The following PTPRK variants were observed in gnomAD, a reference collection of about 807,000 sequenced individuals.
PTPRK encodes the protein protein tyrosine phosphatase receptor type K, also known as receptor-type tyrosine-protein phosphatase kappa.
PTPRK carries 75 observed loss-of-function variants against 178.0 expected under a neutral mutation model. The observed-to-expected ratio is 0.42, with a 90% confidence interval of 0.35 to 0.51. The LOEUF (loss-of-function observed/expected upper bound fraction) is 0.51, where lower values mean the gene tolerates loss of function less well. Among genes scored for constraint, PTPRK ranks in the 20% least tolerant of loss-of-function variants. The probability of loss-of-function intolerance (pLI) is 0.02; values close to 1 mark genes in which losing one functional copy is unlikely to be tolerated. For synonymous variants in PTPRK, 637 were observed against 620.6 expected, an observed-to-expected ratio of 1.03 and a Z score of -0.39; for missense variants, 1,441 against 1,797.8, an observed-to-expected ratio of 0.80 and a Z score of 3.59.
At chr6:128,041,396 A>C (rs774898516) in intron 13 of PTPRK, among the ~76,000 whole-genome samples, 1 of 152,076 alleles carries the variant, frequency 6.6e-6, no homozygotes, top group Non-Finnish European at 1.5e-5. Flanking sequence ...CACTACACTG[A>C]TAAAGGATAA....
chr6:128,470,356 T>C (rs1303352329), intron 1 of PTPRK, among the ~76,000 whole-genome samples: 1 of 151,988 alleles, frequency 6.6e-6, no homozygotes, highest in Non-Finnish European at 1.5e-5. Flanking sequence ...GAAGTGTTGT[T>C]TGAGCTTTGA....
At chr6:128,513,881 G>A (rs1448709471) in intron 1 of PTPRK, among the ~76,000 whole-genome samples, 1 of 152,162 alleles carries the variant, frequency 6.6e-6, no homozygotes, top group African/African-American at 2.4e-5. Flanking sequence ...ATCCCTGGGT[G>A]GGTAGTGAGG....
chr6:128,165,126 C>G (rs1374599504), intron 7 of PTPRK, among the ~76,000 whole-genome samples: 1 of 150,444 alleles, frequency 6.6e-6, no homozygotes, highest in Non-Finnish European at 1.5e-5. Flanking sequence ...TTTGGCCTAC[C>G]GCATTAAAAA....
intron 1 of PTPRK, chr6:128,472,774 AC>A: frequency 4.0e-6 from 1 of 252,520 alleles, no homozygotes; most frequent in Non-Finnish European, 7.8e-6. Flanking sequence ...ACATTGATAC[AC>A]CACAGTTATA....
intron 1 of PTPRK, among the ~76,000 whole-genome samples, chr6:128,501,766 TA>T (rs1254330467): frequency 6.6e-6 from 1 of 152,174 alleles, no homozygotes; most frequent in African/African-American, 2.4e-5. Context: ...AGCTAACAAA[TA>T]GTAATAACTG....
At chr6:128,029,513 G>A (rs1026161357) in intron 13 of PTPRK, among the ~76,000 whole-genome samples, 1 of 151,726 alleles carries the variant, frequency 6.6e-6, no homozygotes, top group African/African-American at 2.4e-5. Context: ...TAGCTGGACA[G>A]GGTGGCGGGC....
At chr6:128,348,623 C>T (rs1477096202) in intron 2 of PTPRK, among the ~76,000 whole-genome samples, 1 of 151,900 alleles carries the variant, frequency 6.6e-6, no homozygotes, top group East Asian at 1.9e-4. Flanking sequence ...AATGTATGAT[C>T]GATTTTTATT....
At chr6:128,171,460 T>G (rs569226120) in intron 7 of PTPRK, among the ~76,000 whole-genome samples, 3 of 152,150 alleles carry the variant, frequency 2.0e-5, no homozygotes, top group Non-Finnish European at 4.4e-5. Flanking sequence ...GTAATATGCC[T>G]TGTTATCCTG....
intron 7 of PTPRK, among the ~76,000 whole-genome samples, chr6:128,171,543 A>G (rs142241304): frequency 2.4e-4 from 37 of 152,180 alleles, no homozygotes; most frequent in African/African-American, 8.4e-4. Flanking sequence ...AACTGAAGAC[A>G]TATACAATAT....
At chr6:128,464,639 A>ATATATATATATATATGTG (rs59665195) in intron 1 of PTPRK, among the ~76,000 whole-genome samples, 2 of 4,498 alleles carry the variant, frequency 4.4e-4, no homozygotes, top group East Asian at 4.4e-3. Flanking sequence ...ATATATACAC[A>ATATATATATATATATGTG]TATATATATA....
intron 3 of PTPRK, among the ~76,000 whole-genome samples, chr6:128,282,918 T>C (rs750348288): frequency 4.6e-5 from 7 of 151,960 alleles, no homozygotes; most frequent in Non-Finnish European, 1.0e-4. Flanking sequence ...GGGATGAAAA[T>C]GAATGAGATG....
At chr6:128,211,806 T>C (rs145127728) in intron 6 of PTPRK, among the ~76,000 whole-genome samples, 2,151 of 152,168 alleles carry the variant, frequency 0.014, 21 homozygotes, top group African/African-American at 0.03. Flanking sequence ...CTCTTGAAGA[T>C]GAAGTGGAGG....
chr6:128,125,603 T>A, intron 7 of PTPRK, among the ~76,000 whole-genome samples: 1 of 106,414 alleles, frequency 9.4e-6, no homozygotes, highest in Non-Finnish European at 1.9e-5. Context: ...TGGGCTTTTC[T>A]TTTTTTTTTT....
intron 3 of PTPRK, among the ~76,000 whole-genome samples, chr6:128,274,073 A>T (rs1447156711): frequency 6.6e-6 from 1 of 151,384 alleles, no homozygotes; most frequent in Non-Finnish European, 1.5e-5. Context: ...CTGTTATGCA[A>T]GGTACAGATT....
At chr6:128,500,416 G>A (rs1330499510) in intron 1 of PTPRK, 2 of 152,016 alleles carry the variant, frequency 1.3e-5, no homozygotes, top group African/African-American at 2.4e-5. Context: ...AAGCTTTCCA[G>A]CCTTATGAAT....
intron 13 of PTPRK, among the ~76,000 whole-genome samples, chr6:128,033,761 C>T (rs1883810): frequency 0.21 from 32,103 of 151,772 alleles, 4,572 homozygotes; most frequent in African/African-American, 0.4. Flanking sequence ...TCTGTGGTTC[C>T]AGCTACCTGA....
At chr6:128,119,438 T>C (rs1235787145) in intron 7 of PTPRK, among the ~76,000 whole-genome samples, 2 of 152,064 alleles carry the variant, frequency 1.3e-5, no homozygotes, top group African/African-American at 4.8e-5. Flanking sequence ...ACATTCTTGC[T>C]AAAACATATT....
intron 5 of PTPRK, among the ~76,000 whole-genome samples, chr6:128,234,138 C>T (rs1812801782): frequency 6.6e-6 from 1 of 152,162 alleles, no homozygotes; most frequent in Admixed American, 6.5e-5. Context: ...GTTCTTAAAG[C>T]AGAAACTCAG....
At chr6:128,512,283 A>G (rs1298142174) in intron 1 of PTPRK, among the ~76,000 whole-genome samples, 1 of 152,208 alleles carries the variant, frequency 6.6e-6, no homozygotes, top group East Asian at 1.9e-4. Context: ...ATTTAAGACA[A>G]TATAGGTTAT....
Sources: gnomAD v4.1 joint callset for allele counts (sites outside exome capture counted in the v4.1 genomes callset) on GRCh38, gnomAD v4.1.1 for gene constraint, MANE v1.5 for transcripts, NCBI Gene and HGNC (gene_info 2026-07-23, HGNC 2026-07-21) for gene names.